The following TCP11 variants were observed in gnomAD, a reference collection of about 807,000 sequenced individuals.
The protein encoded by TCP11 is T-complex protein 11 homolog.
In TCP11, 34 loss-of-function variants were observed where a neutral mutation model predicts 45.0. The observed-to-expected ratio is 0.76, with a 90% CI of 0.57 to 1.01. TCP11 has a LOEUF of 1.01. Among genes scored for constraint, TCP11 ranks in the 50% least tolerant of loss-of-function variants. The probability of loss-of-function intolerance (pLI) is 0.00; values close to 1 mark genes in which losing one functional copy is unlikely to be tolerated. For missense variants in TCP11, 523 were observed against 598.1 expected (o/e 0.87, Z 1.31); for synonymous variants, 227 against 227.0 (o/e 1.00, Z 0.00).
Position 35,120,886 on chromosome 6 carries a change from C to T in TCP11, c.715+23G>A, listed in dbSNP as rs766680246. 5.6e-6 allele frequency: 9 copies of T among 1,600,360 alleles called. No homozygotes were observed. The highest frequency in any genetic ancestry group is 7.7e-6 in the Non-Finnish European group (9 of 1,172,068). On this transcript the variant is annotated intron_variant, in intron 6 of 9. Transcript: ENST00000311875. This position sits in a 1 kb window ranked among gnomAD's most constrained non-coding sequence, Gnocchi z 4.9. ...ACCCAAGGTAATACCTTTCCCACTC[C>T]TGCCCTCACATTATATACATACTAG...
At chr6:35,140,456 A>C in intron 2 of TCP11, 1 of 558,664 alleles carries the variant, frequency 1.8e-6, no homozygotes, top group Non-Finnish European at 3.3e-6. Context: ...CTATCTGCCA[A>C]TCCCCCCTAC....
At chr6:35,140,206 T>A in intron 2 of TCP11, 1 of 1,533,030 alleles carries the variant, frequency 6.5e-7, no homozygotes, top group African/African-American at 1.4e-5. Context: ...GCTCCTCAGT[T>A]TGATGACTAG....
At chr6:35,125,823 A>G (rs1421948145) in intron 4 of TCP11, among the ~76,000 whole-genome samples, 1 of 152,266 alleles carries the variant, frequency 6.6e-6, no homozygotes, top group Non-Finnish European at 1.5e-5. Context: ...AATATTATTC[A>G]GCCATAAAAA....
At chr6:35,135,535 C>T (rs922202189) in intron 3 of TCP11, among the ~76,000 whole-genome samples, 5 of 150,972 alleles carry the variant, frequency 3.3e-5, no homozygotes, top group African/African-American at 9.8e-5. Flanking sequence ...CCTGTAATCC[C>T]AGCACTTTGG....
At chr6:35,129,315 G>A in intron 3 of TCP11, 133 bp from the exon 4 acceptor site, 2 of 1,143,510 alleles carry the variant, frequency 1.7e-6, no homozygotes, top group Non-Finnish European at 2.4e-6. Flanking sequence ...CAGGAACTAT[G>A]TTGGAACTGC....
At chr6:35,135,180 A>G (rs918011986) in intron 3 of TCP11, among the ~76,000 whole-genome samples, 1 of 151,738 alleles carries the variant, frequency 6.6e-6, no homozygotes, top group African/African-American at 2.4e-5. Context: ...AGCAGAAACA[A>G]TGGGATGTCA....
intron 1 of TCP11, 139 bp downstream of exon 1, chr6:35,141,066 C>G (rs962059012): frequency 1.6e-6 from 2 of 1,223,760 alleles, no homozygotes; most frequent in African/African-American, 3.2e-5. Flanking sequence ...AAGTGGAGCG[C>G]TGGGCGGCAA....
chr6:35,128,973 C>T, intron 4 of TCP11, 89 bp downstream of exon 4: 1 of 1,516,460 alleles, frequency 6.6e-7, no homozygotes, highest in Non-Finnish European at 8.9e-7. Context: ...ATTCATGGAC[C>T]ATGTTCAGTT....
chr6:35,122,638 C>T (rs192378268), intron 4 of TCP11, among the ~76,000 whole-genome samples: 2 of 152,228 alleles, frequency 1.3e-5, no homozygotes, highest in East Asian at 3.9e-4. Flanking sequence ...AAAATACCCA[C>T]CATCACATGG....
chr6:35,141,318 A>G lies in TCP11; in HGVS notation c.-128T>C, dbSNP rs78614904. On this transcript the variant is annotated 5_prime_UTR_variant, in exon 1 of 10. Transcript: ENST00000311875. ...CGGCGGGTTGGGGCGTCGCACGGTG[A>G]GAAAGGCCGGGGCCTGAGAACAAAC... 0.16 allele frequency: 197,334 copies of G among 1,256,744 alleles called. 16,944 individuals carry two copies. Among genetic ancestry groups the G allele is most frequent in the African/African-American group, 0.29 (18,788 of 63,810 alleles). 77.8% of individuals were successfully genotyped at this position (1,256,744 alleles called of 1,614,324 possible). A position where few individuals can be genotyped will look rare whatever the true frequency, so the allele number is the denominator to read the frequency against.
intron 4 of TCP11, among the ~76,000 whole-genome samples, chr6:35,126,205 T>C (rs1343403522): frequency 6.6e-6 from 1 of 152,194 alleles, no homozygotes; most frequent in Non-Finnish European, 1.5e-5. Context: ...AAGCCCCCAA[T>C]ATGGCCCATT....
Position 35,122,250 on chromosome 6 carries a change from C to T in TCP11, c.445G>A (p.Ala149Thr). The T allele has an allele frequency of 6.2e-7, 1 of 1,614,168 alleles. No homozygotes were observed. The highest frequency in any genetic ancestry group is 1.1e-5 in the South Asian group (1 of 91,086). Residue 149 changes from alanine (A) to threonine (T), a missense_variant, in exon 5 of 10, where the codon GCA becomes ACA. Coordinates refer to ENST00000311875, the MANE Select transcript of TCP11 (RefSeq NM_001370687.1). ...ALDMDLLKQE[A>T]EHGALKVLYL... Reference sequence around the variant, plus strand: ...AGGACTTTCAGGGCCCCATGTTCTGCCTCCTGCTTGAGCAAGTCCATGTCC... The same window carrying T: ...AGGACTTTCAGGGCCCCATGTTCTGTCTCCTGCTTGAGCAAGTCCATGTCC...
chr6:35,136,204 C>A lies in TCP11; in HGVS notation c.139G>T (p.Gly47Cys). Reference sequence around the variant, plus strand: ...ACTTCATTAACGGTTTCTGTCAGACCTGTGACAGAAAGAACTGATGGTGGA... The same window carrying A: ...ACTTCATTAACGGTTTCTGTCAGACATGTGACAGAAAGAACTGATGGTGGA... ...EDPPPFLSVTGLTETVNEVSK... is the reference protein window; with the variant it reads ...EDPPPFLSVTCLTETVNEVSK... Residue 47 changes from glycine (G) to cysteine (C), a missense_variant, in exon 3 of 10, where the codon GGT becomes TGT. Gly to Cys is a radical substitution (Grantham distance 159). Around this residue, in one of 2 missense-constraint regions of TCP11, gnomAD observed 225 missense variants for 210.2 expected, o/e 1.07. Transcript: ENST00000311875. 6.2e-7 allele frequency: 1 copy of A among 1,612,278 alleles called. No homozygotes were observed. The highest frequency in any genetic ancestry group is 1.1e-5 in the South Asian group (1 of 90,912).
Position 35,127,113 on chromosome 6 carries a change from T to A in TCP11, c.357+1949A>T, listed in dbSNP as rs367799865. 9.2e-5 allele frequency among the ~76,000 whole-genome samples: 14 copies of A among 152,296 alleles called. No homozygotes were observed. The East Asian group carries it at 2.7e-3, about 29-fold the overall frequency. The stretch of plus-strand genomic sequence containing the variant: ...CCTGCCAACTTTGAGGTCTGCTGAT[T>A]TGTGTGAAATACTTGCATTGGTTCC... On this transcript the variant is annotated intron_variant, in intron 4 of 9. Coordinates refer to ENST00000311875, the MANE Select transcript of TCP11 (RefSeq NM_001370687.1).
chr6:35,120,700 T>C lies in TCP11; in HGVS notation c.716-54A>G. On this transcript the variant is annotated intron_variant, in intron 6 of 9. Coordinates refer to ENST00000311875, the MANE Select transcript of TCP11 (RefSeq NM_001370687.1). The surrounding 1 kb of genome is among the most constrained non-coding windows in gnomAD (Gnocchi z 4.9). Reference sequence around the variant, plus strand: ...TCTTTAGCATCTTCATCTCTGAGGCTTCAAGACCAAGGTTCTTTTCAAGTA... The same window carrying C: ...TCTTTAGCATCTTCATCTCTGAGGCCTCAAGACCAAGGTTCTTTTCAAGTA... 1.9e-6 allele frequency: 3 copies of C among 1,542,526 alleles called. No individual in the cohort carries two copies. Among genetic ancestry groups the C allele is most frequent in the Non-Finnish European group, 2.6e-6 (3 of 1,133,546 alleles).
intron 2 of TCP11, chr6:35,140,078 CCAG>C: frequency 6.2e-7 from 1 of 1,614,024 alleles, no homozygotes; most frequent in Non-Finnish European, 8.5e-7. Context: ...ATTCAGTTAA[CCAG>C]CAGCGACCTC....
At chr6:35,129,040 T>G (rs1196929825) in intron 4 of TCP11, 22 bp downstream of exon 4, 2 of 1,611,066 alleles carry the variant, frequency 1.2e-6, no homozygotes, top group Non-Finnish European at 1.7e-6. Flanking sequence ...AACTTTACAT[T>G]TACAAATGGA....
rs185024819 is a variant in TCP11 at position 35,140,616 on chromosome 6, G to T, written c.124+131C>A. Reference sequence around the variant, plus strand: ...CTCGGGCCTGTAAGTAAAGGCGGGTGGGGGAGAAACGGAGAAAGACAAACG... The same window carrying T: ...CTCGGGCCTGTAAGTAAAGGCGGGTTGGGGAGAAACGGAGAAAGACAAACG... On this transcript the variant is annotated intron_variant, in intron 2 of 9. Transcript: ENST00000311875. 16 of 700,072 alleles carry T rather than the reference G, an allele frequency of 2.3e-5. No individual in the cohort carries two copies. In the East Asian group the frequency reaches 3.0e-4, roughly 13 times the overall value. The allele number at this position is 700,072 out of a possible 1,614,324, so 43.4% of individuals were successfully genotyped here.
chr6:35,127,271 C>A (rs947436403), intron 4 of TCP11, among the ~76,000 whole-genome samples: 1 of 152,158 alleles, frequency 6.6e-6, no homozygotes, highest in Non-Finnish European at 1.5e-5. Flanking sequence ...TGTGGCCACA[C>A]AATGGGGGTA....
Sources: allele counts gnomAD v4.1 joint callset (sites outside exome capture counted in the v4.1 genomes callset), GRCh38; gene constraint gnomAD v4.1.1; regional missense constraint gnomAD v4.1.1; non-coding constraint Gnocchi (gnomAD v3.1); transcripts MANE v1.5; gene names NCBI Gene and HGNC (gene_info 2026-07-23, HGNC 2026-07-21).